CTNNA3: variants seen among roughly 807,000 people sequenced by gnomAD.
CTNNA3 encodes the protein catenin alpha 3, also known as catenin alpha-3.
A neutral mutation model predicts 95.7 loss-of-function variants in CTNNA3; 76 were observed. That is an observed-to-expected ratio of 0.79 (90% confidence interval 0.66 to 0.96). The LOEUF is 0.96. Ranked by LOEUF, CTNNA3 falls within the 40% of genes least tolerant of loss-of-function variation. CTNNA3 has a pLI of 0.00. For synonymous variants in CTNNA3, 431 were observed against 374.4 expected, an observed-to-expected ratio of 1.15 and a Z score of -1.74; for missense variants, 1,191 against 1,089.8, an observed-to-expected ratio of 1.09 and a Z score of -1.31.
chr10:66,243,201 T>A (rs1209243337), intron 13 of CTNNA3, among the ~76,000 whole-genome samples: 2 of 152,204 alleles, frequency 1.3e-5, no homozygotes, highest in African/African-American at 4.8e-5. Context: ...CCAGGCCCTG[T>A]AAGAAATTGA....
chr10:66,687,714 T>TACACACACACACAC (rs1439389049), intron 9 of CTNNA3, among the ~76,000 whole-genome samples: 3 of 128,358 alleles, frequency 2.3e-5, no homozygotes, highest in Non-Finnish European at 4.9e-5. Flanking sequence ...TATATATATA[T>TACACACACACACAC]ATATACACAC....
At chr10:66,982,461 T>C (rs1850497286) in intron 7 of CTNNA3, among the ~76,000 whole-genome samples, 1 of 152,168 alleles carries the variant, frequency 6.6e-6, no homozygotes, top group Admixed American at 6.5e-5. Context: ...GAAGATAATT[T>C]GATGTAAAGC....
intron 5 of CTNNA3, among the ~76,000 whole-genome samples, chr10:67,356,155 T>C (rs1842799857): frequency 6.6e-6 from 1 of 152,026 alleles, no homozygotes; most frequent in South Asian, 2.1e-4. Context: ...CTGGAGAACA[T>C]AAAGTCCCTC....
chr10:66,213,561 C>A (rs546247940), intron 13 of CTNNA3, among the ~76,000 whole-genome samples: 22 of 152,018 alleles, frequency 1.4e-4, no homozygotes, highest in African/African-American at 5.1e-4. Flanking sequence ...TCTTATAATA[C>A]AGTATGAGCT....
At chr10:66,021,572 T>C (rs1342200855) in intron 15 of CTNNA3, among the ~76,000 whole-genome samples, 1 of 152,188 alleles carries the variant, frequency 6.6e-6, no homozygotes, top group Non-Finnish European at 1.5e-5. Context: ...ATATTTGCAT[T>C]ATTTATAAGA....
chr10:67,533,392 C>T (rs939325932), intron 4 of CTNNA3, among the ~76,000 whole-genome samples: 3 of 150,998 alleles, frequency 2.0e-5, no homozygotes, highest in African/African-American at 7.3e-5. Flanking sequence ...ACAAATAGTA[C>T]AGAAAAGTCT....
intron 5 of CTNNA3, among the ~76,000 whole-genome samples, chr10:67,479,084 T>A (rs886892089): frequency 6.6e-6 from 1 of 152,148 alleles, no homozygotes; most frequent in Non-Finnish European, 1.5e-5. Flanking sequence ...GACTCAACAG[T>A]AGAGCACCTA....
At chr10:66,745,985 A>C (rs1838854567) in intron 9 of CTNNA3, among the ~76,000 whole-genome samples, 1 of 152,160 alleles carries the variant, frequency 6.6e-6, no homozygotes, top group East Asian at 1.9e-4. Flanking sequence ...TTAGATAATA[A>C]GTCATATTAA....
intron 13 of CTNNA3, among the ~76,000 whole-genome samples, chr10:66,137,390 T>TA (rs967583627): frequency 9.2e-5 from 14 of 151,934 alleles, no homozygotes; most frequent in African/African-American, 2.9e-4. Flanking sequence ...ATACCAAATG[T>TA]AAAAAAACAA....
intron 4 of CTNNA3, among the ~76,000 whole-genome samples, chr10:67,526,267 C>T (rs1166950692): frequency 2.0e-5 from 3 of 151,580 alleles, no homozygotes; most frequent in Admixed American, 2.0e-4. Context: ...TCCAAATGAA[C>T]TTACAAGATG....
intron 9 of CTNNA3, among the ~76,000 whole-genome samples, chr10:66,736,982 G>C (rs148998755): frequency 8.5e-5 from 13 of 152,206 alleles, no homozygotes; most frequent in African/African-American, 2.9e-4. Context: ...TATGTGCCTT[G>C]ATTATGATGA....
chr10:67,322,698 C>A (rs1841376965), intron 5 of CTNNA3, among the ~76,000 whole-genome samples: 1 of 152,186 alleles, frequency 6.6e-6, no homozygotes, highest in Non-Finnish European at 1.5e-5. Context: ...GTGCATGCAT[C>A]TTTATAATAG....
intron 5 of CTNNA3, among the ~76,000 whole-genome samples, chr10:67,353,321 A>G (rs973873265): frequency 7.9e-5 from 12 of 152,012 alleles, no homozygotes; most frequent in Admixed American, 6.6e-4. Flanking sequence ...AAAGAGAGAG[A>G]GAAGAAGCAG....
chr10:67,317,431 CTT>C (rs11318586), intron 5 of CTNNA3, among the ~76,000 whole-genome samples: 255 of 130,916 alleles, frequency 1.9e-3, no homozygotes, highest in Admixed American at 8.9e-3. Context: ...TCTCATTGTT[CTT>C]TTTTTTTTTT....
Position 66,927,323 on chromosome 10 carries a change from G to A in CTNNA3, c.1048-151799C>T, listed in dbSNP as rs1278032151. On this transcript the variant is annotated intron_variant, in intron 7 of 17. Transcript: ENST00000433211. The surrounding 1 kb of genome is among the most constrained non-coding windows in gnomAD (Gnocchi z 4.7). ...ACCTTCAGACCTGTGACAAATTTAC[G>A]GAACTTGGATCTGTCCTATAATCAG... is the stretch of plus-strand genomic sequence containing the variant. The A allele has an allele frequency of 1.2e-6, 2 of 1,614,018 alleles. No individual in the cohort carries two copies. Among genetic ancestry groups the A allele is most frequent in the East Asian group, 2.2e-5 (1 of 44,876 alleles).
chr10:66,986,486 G>A (rs1250170514), intron 7 of CTNNA3, among the ~76,000 whole-genome samples: 2 of 127,102 alleles, frequency 1.6e-5, no homozygotes, highest in East Asian at 5.1e-4. Context: ...GACAGAGCAA[G>A]ACTCCATCTT....
At chr10:66,109,001 T>C (rs753239330) in intron 13 of CTNNA3, among the ~76,000 whole-genome samples, 4 of 152,148 alleles carry the variant, frequency 2.6e-5, no homozygotes, top group Non-Finnish European at 5.9e-5. Context: ...TCAGAAGAGA[T>C]TCTCAGATGT....
intron 13 of CTNNA3, among the ~76,000 whole-genome samples, chr10:66,198,915 T>C (rs932124083): frequency 6.6e-6 from 1 of 152,200 alleles, no homozygotes; most frequent in Non-Finnish European, 1.5e-5. Context: ...AGAAATATGT[T>C]TTCATTCAGC....
intron 7 of CTNNA3, among the ~76,000 whole-genome samples, chr10:67,168,893 G>C (rs1200782743): frequency 6.6e-6 from 1 of 152,176 alleles, no homozygotes; most frequent in Non-Finnish European, 1.5e-5. Flanking sequence ...CATACCCATA[G>C]TCTTAGCTCA....
Sources: allele counts gnomAD v4.1 joint callset (sites outside exome capture counted in the v4.1 genomes callset), GRCh38; gene constraint gnomAD v4.1.1; non-coding constraint Gnocchi (gnomAD v3.1); transcripts MANE v1.5; gene names NCBI Gene and HGNC (gene_info 2026-07-23, HGNC 2026-07-21).